The following SAMD5 variants were observed in gnomAD, a reference collection of about 807,000 sequenced individuals.
SAMD5 encodes sterile alpha motif domain containing 5.
A neutral mutation model predicts 11.3 loss-of-function variants in SAMD5; 13 were observed. The observed-to-expected ratio is 1.15, with a 90% CI of 0.75 to 1.83. The LOEUF (loss-of-function observed/expected upper bound fraction) is 1.83, where lower values mean the gene tolerates loss of function less well. SAMD5 is among the 40% of genes most tolerant of loss of function. The pLI is 0.00. For missense variants in SAMD5, 255 were observed against 239.1 expected (o/e 1.07, Z -0.44); for synonymous variants, 129 against 111.3 (o/e 1.16, Z -1.00).
intron 1 of SAMD5, among the ~76,000 whole-genome samples, chr6:147,707,945 CA>C (rs1380003165): frequency 6.6e-6 from 1 of 152,030 alleles, no homozygotes; most frequent in Non-Finnish European, 1.5e-5. Flanking sequence ...TCTTTGCAAT[CA>C]AAAAGATCCA....
the SAMD5 span, among the ~76,000 whole-genome samples, chr6:147,761,322 T>C: frequency 6.6e-6 from 1 of 152,164 alleles, no homozygotes; most frequent in Non-Finnish European, 1.5e-5. Context: ...TTATTGGAAA[T>C]GAATGGTAAT....
chr6:147,844,214 T>C, the SAMD5 span, among the ~76,000 whole-genome samples: 3 of 152,122 alleles, frequency 2.0e-5, 1 homozygote, highest in South Asian at 6.2e-4. Flanking sequence ...AAAGAAGACA[T>C]ACAAATGGTC....
chr6:147,682,029 C>T (rs565594438), intron 1 of SAMD5, among the ~76,000 whole-genome samples: 10 of 149,476 alleles, frequency 6.7e-5, no homozygotes, highest in East Asian at 3.9e-4. Flanking sequence ...CTCTGCAAAT[C>T]CTGGAATCTC....
the SAMD5 span, among the ~76,000 whole-genome samples, chr6:147,791,490 T>C: frequency 6.6e-6 from 1 of 152,150 alleles, no homozygotes; most frequent in Admixed American, 6.5e-5. Flanking sequence ...CCTTTCACTT[T>C]TTGGCCTATT....
At chr6:147,743,926 A>G in the SAMD5 span, among the ~76,000 whole-genome samples, 1 of 152,232 alleles carries the variant, frequency 6.6e-6, no homozygotes, top group African/African-American at 2.4e-5. Flanking sequence ...ATTTATAAAA[A>G]GGGATTTCAC....
At chr6:147,819,330 G>A in the SAMD5 span, among the ~76,000 whole-genome samples, 1 of 152,160 alleles carries the variant, frequency 6.6e-6, no homozygotes, top group Non-Finnish European at 1.5e-5. Context: ...CTACTTGGGG[G>A]TGGAGGATAG....
the SAMD5 span, among the ~76,000 whole-genome samples, chr6:147,857,293 A>G: frequency 6.6e-6 from 1 of 151,388 alleles, no homozygotes; most frequent in South Asian, 2.1e-4. Flanking sequence ...GCTTGAGTCC[A>G]GGAGTTCGAG....
At chr6:147,760,874 G>A in the SAMD5 span, among the ~76,000 whole-genome samples, 3 of 152,200 alleles carry the variant, frequency 2.0e-5, no homozygotes, top group Admixed American at 6.5e-5. Context: ...TTAAAAATAG[G>A]TATAGATACA....
At chr6:147,762,669 T>C in the SAMD5 span, among the ~76,000 whole-genome samples, 1 of 152,192 alleles carries the variant, frequency 6.6e-6, no homozygotes, top group African/African-American at 2.4e-5. Flanking sequence ...ATACATGATA[T>C]CCCTGAGCCT....
chr6:147,537,144 G>A (rs939855760), intron 1 of SAMD5, among the ~76,000 whole-genome samples: 12 of 152,060 alleles, frequency 7.9e-5, no homozygotes, highest in Non-Finnish European at 4.4e-5. Flanking sequence ...AATTATAGCA[G>A]TTTTACATAA....
At chr6:147,840,944 T>A in the SAMD5 span, among the ~76,000 whole-genome samples, 2 of 152,234 alleles carry the variant, frequency 1.3e-5, no homozygotes, top group East Asian at 3.8e-4. Flanking sequence ...GAGTTTTGTT[T>A]ATACGTATAT....
chr6:147,705,009 A>T (rs1791306496), intron 1 of SAMD5, among the ~76,000 whole-genome samples: 1 of 152,230 alleles, frequency 6.6e-6, no homozygotes, highest in Non-Finnish European at 1.5e-5. Flanking sequence ...AACTGTGAGC[A>T]GTGATTTAGG....
the SAMD5 span, among the ~76,000 whole-genome samples, chr6:147,841,608 A>G: frequency 6.6e-6 from 1 of 152,204 alleles, no homozygotes; most frequent in Admixed American, 6.6e-5. Context: ...CGTCTAACCT[A>G]TTTTTAAATT....
intron 1 of SAMD5, among the ~76,000 whole-genome samples, chr6:147,614,400 C>T (rs1247339221): frequency 2.0e-5 from 3 of 150,862 alleles, no homozygotes; most frequent in Non-Finnish European, 2.9e-5. Flanking sequence ...ACCTGGGAGG[C>T]GGAGGTTGCA....
At chr6:147,779,472 A>C in the SAMD5 span, among the ~76,000 whole-genome samples, 3 of 151,114 alleles carry the variant, frequency 2.0e-5, no homozygotes, top group African/African-American at 7.3e-5. Flanking sequence ...GCAGCTCTAC[A>C]TTCTTCTCAA....
the SAMD5 span, among the ~76,000 whole-genome samples, chr6:147,897,483 C>T: frequency 1.1e-3 from 174 of 152,238 alleles, no homozygotes; most frequent in African/African-American, 4.0e-3. Context: ...GCCGTAACAG[C>T]AGGGCAAGAC....
the SAMD5 span, among the ~76,000 whole-genome samples, chr6:147,779,559 A>G: frequency 6.6e-6 from 1 of 151,090 alleles, no homozygotes; most frequent in South Asian, 2.1e-4. Context: ...GCAATGGCAC[A>G]ATCTCGGCTC....
chr6:147,761,513 A>T, the SAMD5 span, among the ~76,000 whole-genome samples: 2 of 152,134 alleles, frequency 1.3e-5, no homozygotes, highest in African/African-American at 4.8e-5. Context: ...CTCTCTAAAA[A>T]AATCACCTGA....
intron 1 of SAMD5, among the ~76,000 whole-genome samples, chr6:147,539,208 C>T (rs756565369): frequency 1.1e-4 from 17 of 152,286 alleles, no homozygotes; most frequent in Non-Finnish European, 1.9e-4. Context: ...GAAGACAGTG[C>T]GGTGCAGCTA....
Sources: gnomAD v4.1 joint callset for allele counts (sites outside exome capture counted in the v4.1 genomes callset) on GRCh38, gnomAD v4.1.1 for gene constraint, MANE v1.5 for transcripts, NCBI Gene and HGNC (gene_info 2026-07-23, HGNC 2026-07-21) for gene names.